Variants in CHL1 observed in about 807,000 individuals in gnomAD.
CHL1 encodes the protein cell adhesion molecule L1 like.
Under a neutral mutation model 141.9 loss-of-function variants are expected in CHL1, and 96 were observed. That is an observed-to-expected ratio of 0.68 (90% CI 0.57 to 0.80). CHL1 has a LOEUF of 0.80. Among genes scored for constraint, CHL1 ranks in the 30% least tolerant of loss-of-function variants. The pLI is 0.00. For missense variants in CHL1, 1,820 were observed against 1,457.2 expected, an observed-to-expected ratio of 1.25 and a Z score of -4.05; for synonymous variants, 613 against 502.2, an observed-to-expected ratio of 1.22 and a Z score of -2.95.
intron 2 of CHL1, among the ~76,000 whole-genome samples, chr3:290,422 A>G (rs893513559): frequency 6.6e-6 from 1 of 152,214 alleles, no homozygotes; most frequent in African/African-American, 2.4e-5. Flanking sequence ...GTGGATAATG[A>G]GAACAGACAG....
intron 16 of CHL1, among the ~76,000 whole-genome samples, chr3:381,313 T>A (rs1433419895): frequency 6.6e-6 from 1 of 152,108 alleles, no homozygotes; most frequent in Non-Finnish European, 1.5e-5. Flanking sequence ...GAAGGGTTTT[T>A]ATGGAACCAA....
intron 24 of CHL1, among the ~76,000 whole-genome samples, chr3:396,377 A>G (rs1439574941): frequency 6.6e-6 from 1 of 152,168 alleles, no homozygotes; most frequent in African/African-American, 2.4e-5. Context: ...GTTGGTTGCT[A>G]TTTTGATATA....
chr3:270,776 C>T (rs1695567202), intron 2 of CHL1, among the ~76,000 whole-genome samples: 1 of 152,204 alleles, frequency 6.6e-6, no homozygotes, highest in African/African-American at 2.4e-5. Flanking sequence ...CCTGGGCTGG[C>T]TGCTCACCAC....
intron 19 of CHL1, among the ~76,000 whole-genome samples, chr3:387,404 G>A (rs1320811963): frequency 6.6e-6 from 1 of 152,162 alleles, no homozygotes; most frequent in Admixed American, 6.5e-5. Flanking sequence ...GATTATTTGG[G>A]AAATGTCTGA....
chr3:200,855 T>C (rs1356148345), intron 1 of CHL1, among the ~76,000 whole-genome samples: 1 of 152,228 alleles, frequency 6.6e-6, no homozygotes, highest in Non-Finnish European at 1.5e-5. Context: ...TGTACATCTT[T>C]ATCTGAGGAA....
intron 1 of CHL1, among the ~76,000 whole-genome samples, chr3:205,347 T>C (rs1358931717): frequency 6.6e-6 from 1 of 152,102 alleles, no homozygotes; most frequent in East Asian, 1.9e-4. Flanking sequence ...CTCCTGGCCT[T>C]AGGTGATTCT....
At chr3:392,917 G>C (rs1228590797) in intron 23 of CHL1, among the ~76,000 whole-genome samples, 4 of 151,878 alleles carry the variant, frequency 2.6e-5, no homozygotes, top group African/African-American at 9.7e-5. Flanking sequence ...AAATCTATTA[G>C]AAATGTACTA....
At chr3:366,217 TC>T in intron 15 of CHL1, 102 bp downstream of exon 15, 1 of 1,138,090 alleles carries the variant, frequency 8.8e-7, no homozygotes, top group Non-Finnish European at 1.3e-6. Context: ...ACGCTTGTAA[TC>T]CCAGCACTTT....
chr3:298,047 T>C (rs1698363051), intron 2 of CHL1, among the ~76,000 whole-genome samples: 1 of 152,248 alleles, frequency 6.6e-6, no homozygotes, highest in Admixed American at 6.5e-5. Context: ...GTGGACTTGT[T>C]TCTTCTACCT....
At position 390,789 on chromosome 3, in the gene CHL1, AG is replaced by A; in HGVS notation, c.2560del (p.Val854TyrfsTer5). The part of the protein sequence containing the change: ...VTWSTVPKDR[V>X]HGRLKGYQIN... ...CCTGGTCAACAGTTCCAAAGGACAG[AG>A]TACATGGACGTCTGAAAGGCTATCA... is the stretch of plus-strand genomic sequence containing the variant. On this transcript the variant is annotated frameshift_variant, in exon 21 of 28. Transcript: ENST00000256509. LOFTEE classifies it high-confidence loss of function. The A allele has an allele frequency of 6.2e-7, 1 of 1,609,464 alleles. No individual in the cohort carries two copies. Among genetic ancestry groups the A allele is most frequent in the Non-Finnish European group, 8.5e-7 (1 of 1,175,740 alleles).
chr3:216,958 A>G (rs1385995524), intron 1 of CHL1, among the ~76,000 whole-genome samples: 1 of 152,178 alleles, frequency 6.6e-6, no homozygotes, highest in Non-Finnish European at 1.5e-5. Flanking sequence ...ATCACCTGGA[A>G]TTAGTTATGT....
chr3:283,520 G>A (rs1478683832), intron 2 of CHL1, among the ~76,000 whole-genome samples: 1 of 152,106 alleles, frequency 6.6e-6, no homozygotes, highest in Non-Finnish European at 1.5e-5. Flanking sequence ...TCATCTATCT[G>A]TCTGTCTATC....
At chr3:279,246 G>C (rs1255581392) in intron 2 of CHL1, among the ~76,000 whole-genome samples, 1 of 152,108 alleles carries the variant, frequency 6.6e-6, no homozygotes, top group Non-Finnish European at 1.5e-5. Context: ...TTTCTCAATA[G>C]AGAAAGTATC....
chr3:376,447 C>G (rs760781836), intron 15 of CHL1: 1 of 511,388 alleles, frequency 2.0e-6, no homozygotes, highest in Non-Finnish European at 3.9e-6. Context: ...ATACCTACCA[C>G]ATTTCGAGGA....
intron 15 of CHL1, chr3:376,345 G>A: frequency 2.0e-6 from 1 of 498,924 alleles, no homozygotes; most frequent in South Asian, 1.5e-5. Flanking sequence ...ATGTTCAAAT[G>A]CAATGGCCCT....
At chr3:316,419 C>T (rs1459649599) in intron 2 of CHL1, among the ~76,000 whole-genome samples, 2 of 149,350 alleles carry the variant, frequency 1.3e-5, no homozygotes, top group African/African-American at 4.9e-5. Flanking sequence ...GCAAAAACCA[C>T]AATAACTTTT....
intron 1 of CHL1, among the ~76,000 whole-genome samples, chr3:241,876 GTAA>G (rs1174536097): frequency 1.9e-4 from 8 of 41,934 alleles, no homozygotes; most frequent in Admixed American, 6.6e-4. Context: ...CAGAGAATAA[GTAA>G]GACGTTAGTA....
intron 17 of CHL1, 91 bp from the exon 18 acceptor site, chr3:382,383 C>A: frequency 6.8e-7 from 1 of 1,460,470 alleles, no homozygotes; most frequent in Non-Finnish European, 9.6e-7. Context: ...CTTATAACAT[C>A]CTTTTGAACT....
At chr3:349,655 T>A (rs1265549574) in intron 10 of CHL1, 112 bp downstream of exon 10, 3 of 921,274 alleles carry the variant, frequency 3.3e-6, no homozygotes, top group Non-Finnish European at 5.0e-6. Context: ...AGTTTCAACT[T>A]TTAATTGTAG....
Sources: allele counts gnomAD v4.1 joint callset (sites outside exome capture counted in the v4.1 genomes callset), GRCh38; gene constraint gnomAD v4.1.1; transcripts MANE v1.5; gene names NCBI Gene and HGNC (gene_info 2026-07-23, HGNC 2026-07-21).